The following CFAP70 variants were observed in gnomAD, a reference collection of about 807,000 sequenced individuals.
The protein encoded by CFAP70 is cilia- and flagella-associated protein 70.
CFAP70 carries 81 observed loss-of-function variants against 137.6 expected under a neutral mutation model. The ratio of observed to expected loss-of-function variants is 0.59; its 90% confidence interval spans 0.49 to 0.71. The LOEUF is 0.71. CFAP70 is among the 30% of genes least tolerant of loss of function. The pLI is 0.00. For missense variants in CFAP70, 976 were observed against 1,226.7 expected (o/e 0.80, Z 3.05); for synonymous variants, 382 against 423.6 (o/e 0.90, Z 1.20).
intron 7 of CFAP70, 23 bp from the exon 9 acceptor site, chr10:73,331,299 T>G: frequency 6.3e-7 from 1 of 1,590,708 alleles, no homozygotes; most frequent in Non-Finnish European, 8.6e-7. Context: ...AATCAGTCCA[T>G]TAGCATTATA....
intron 25 of CFAP70, among the ~76,000 whole-genome samples, chr10:73,265,208 C>T (rs2045641372): frequency 6.6e-6 from 1 of 151,940 alleles, no homozygotes; most frequent in Non-Finnish European, 1.5e-5. Context: ...GCCTGTAGTT[C>T]CAGCTACTGG....
chr10:73,346,204 G>A (rs917979378), intron 4 of CFAP70, among the ~76,000 whole-genome samples: 1 of 151,830 alleles, frequency 6.6e-6, no homozygotes, highest in African/African-American at 2.4e-5. Context: ...GCCTATTTTT[G>A]TAATTTAAAT....
chr10:73,348,231 C>G, intron 4 of CFAP70: 1 of 1,614,146 alleles, frequency 6.2e-7, no homozygotes. Context: ...GAAATGAACT[C>G]TGTCCTGCAA....
intron 14 of CFAP70, among the ~76,000 whole-genome samples, chr10:73,297,894 G>A (rs925393300): frequency 3.9e-5 from 6 of 152,170 alleles, no homozygotes; most frequent in Non-Finnish European, 7.4e-5. Context: ...ATAAAGTCAC[G>A]TTTCAAGGTC....
At chr10:73,342,862 G>C (rs2053370786) in intron 5 of CFAP70, among the ~76,000 whole-genome samples, 1 of 151,882 alleles carries the variant, frequency 6.6e-6, no homozygotes. Flanking sequence ...GGATCACAAG[G>C]TCAGGAGTTC....
intron 3 of CFAP70, among the ~76,000 whole-genome samples, chr10:73,349,411 C>T (rs1383580002): frequency 5.3e-5 from 8 of 151,954 alleles, no homozygotes; most frequent in African/African-American, 1.9e-4. Flanking sequence ...GGCGTGGTGG[C>T]GGGCACCTGT....
intron 19 of CFAP70, among the ~76,000 whole-genome samples, chr10:73,285,534 T>C (rs1455981232): frequency 6.6e-6 from 1 of 152,028 alleles, no homozygotes; most frequent in Non-Finnish European, 1.5e-5. Flanking sequence ...TTTTAAAACA[T>C]GCTTGAATAT....
intron 8 of CFAP70, 120 bp downstream of exon 9, chr10:73,331,057 G>T: frequency 1.6e-6 from 1 of 630,032 alleles, no homozygotes. Flanking sequence ...GAATGAGCTA[G>T]TCACCCTTAG....
At chr10:73,301,215 C>A (rs2048929848) in intron 12 of CFAP70, among the ~76,000 whole-genome samples, 1 of 152,126 alleles carries the variant, frequency 6.6e-6, no homozygotes, top group African/African-American at 2.4e-5. Context: ...TTGTCCCCAT[C>A]CAAATCTCAT....
chr10:73,350,323 A>G (rs2054086437), intron 3 of CFAP70, among the ~76,000 whole-genome samples: 1 of 152,206 alleles, frequency 6.6e-6, no homozygotes, highest in African/African-American at 2.4e-5. Flanking sequence ...TTGATATGTT[A>G]TCAAACTCTG....
At chr10:73,333,032 A>G (rs1300099354) in intron 7 of CFAP70, among the ~76,000 whole-genome samples, 1 of 152,228 alleles carries the variant, frequency 6.6e-6, no homozygotes, top group Non-Finnish European at 1.5e-5. Flanking sequence ...AGTAGGCAAC[A>G]TGCAAGAACA....
At chr10:73,331,205 G>T (rs115885173) in exon 8 of CFAP70, 4 of 1,612,848 alleles carry the variant, frequency 2.5e-6, no homozygotes, top group Non-Finnish European at 2.5e-6. Flanking sequence ...TTTCCCTTTG[G>T]GTATAGTGAC....
intron 8 of CFAP70, among the ~76,000 whole-genome samples, chr10:73,330,878 A>G (rs1183614157): frequency 6.6e-6 from 1 of 152,224 alleles, no homozygotes; most frequent in Non-Finnish European, 1.5e-5. Context: ...TGGTAAAACT[A>G]TTGTGAAGGG....
At chr10:73,331,215 C>T in exon 8 of CFAP70, 1 of 1,613,390 alleles carries the variant, frequency 6.2e-7, no homozygotes, top group Non-Finnish European at 8.5e-7. Flanking sequence ...GGTATAGTGA[C>T]CAGAGGAACT....
At chr10:73,279,786 A>G (rs544924191) in intron 19 of CFAP70, among the ~76,000 whole-genome samples, 1 of 152,038 alleles carries the variant, frequency 6.6e-6, no homozygotes, top group South Asian at 2.1e-4. Context: ...TGAGCCTTGG[A>G]GGTAGAAGTT....
intron 9 of CFAP70, among the ~76,000 whole-genome samples, chr10:73,322,712 T>C (rs1220776450): frequency 6.6e-6 from 1 of 152,150 alleles, no homozygotes; most frequent in Non-Finnish European, 1.5e-5. Context: ...CATACAGAGG[T>C]ACCACACAAT....
At chr10:73,306,794 A>G (rs185637398) in intron 12 of CFAP70, among the ~76,000 whole-genome samples, 1 of 152,334 alleles carries the variant, frequency 6.6e-6, no homozygotes, top group East Asian at 1.9e-4. Flanking sequence ...TCCCAGATAA[A>G]CAAAATTAAG....
intron 8 of CFAP70, among the ~76,000 whole-genome samples, chr10:73,329,900 C>T (rs2051899627): frequency 6.6e-6 from 1 of 151,978 alleles, no homozygotes; most frequent in East Asian, 1.9e-4. Flanking sequence ...CACTATCTAC[C>T]ATGGATGAAG....
chr10:73,362,806 T>C (rs1298756709), upstream of CFAP70, among the ~76,000 whole-genome samples: 2 of 152,122 alleles, frequency 1.3e-5, no homozygotes, highest in African/African-American at 4.8e-5. Flanking sequence ...CAGTACTATG[T>C]TGACTAGAAG....
Sources: gnomAD v4.1 joint callset for allele counts (sites outside exome capture counted in the v4.1 genomes callset) on GRCh38, gnomAD v4.1.1 for gene constraint, MANE v1.5 for transcripts, NCBI Gene and HGNC (gene_info 2026-07-23, HGNC 2026-07-21) for gene names.